The following SPDYE4 variants were observed in gnomAD, a reference collection of about 807,000 sequenced individuals.
The protein encoded by SPDYE4 is speedy/RINGO cell cycle regulator family member E4.
In SPDYE4, 30 loss-of-function variants were observed where a neutral mutation model predicts 37.5. That is an observed-to-expected ratio of 0.80 (90% CI 0.60 to 1.09). The LOEUF is 1.09. Among genes scored for constraint, SPDYE4 ranks in the 50% least tolerant of loss-of-function variants. The probability of loss-of-function intolerance (pLI) is 0.00; values close to 1 mark genes in which losing one functional copy is unlikely to be tolerated. For missense variants in SPDYE4, 300 were observed against 307.9 expected (o/e 0.97, Z 0.19); for synonymous variants, 131 against 120.3 (o/e 1.09, Z -0.58).
intron 3 of SPDYE4, among the ~76,000 whole-genome samples, chr17:8,755,925 G>A (rs915471341): frequency 6.6e-6 from 1 of 152,106 alleles, no homozygotes; most frequent in Admixed American, 6.5e-5. Flanking sequence ...CCAAAGATCT[G>A]AGAGGATAGG....
At chr17:8,747,994 G>A (rs9911633), downstream of SPDYE4, among the ~76,000 whole-genome samples, 8,372 of 152,228 alleles carry the variant, frequency 0.055, 665 homozygotes, top group African/African-American at 0.18. Flanking sequence ...AGCAAGAGTG[G>A]AAACTCCTGA....
At chr17:8,754,295 T>C (rs1388760083) in intron 4 of SPDYE4, among the ~76,000 whole-genome samples, 4 of 152,342 alleles carry the variant, frequency 2.6e-5, no homozygotes, top group South Asian at 4.1e-4. Context: ...AGGAATACTT[T>C]GATATTTTGG....
At chr17:8,750,582 T>C (rs2065637147), downstream of SPDYE4, among the ~76,000 whole-genome samples, 1 of 151,966 alleles carries the variant, frequency 6.6e-6, no homozygotes, top group African/African-American at 2.4e-5. Context: ...TGGTGGCCTG[T>C]GCCTGTAGTC....
Position 8,753,087 on chromosome 17 carries a change from C to T in SPDYE4, c.*44+7G>A, listed in dbSNP as rs2086740165. The T allele has an allele frequency of 6.3e-7, 1 of 1,590,502 alleles. No homozygotes were observed. The highest frequency in any genetic ancestry group is 1.7e-5 in the Admixed American group (1 of 59,568). On this transcript the variant is annotated splice_region_variant and intron_variant, in intron 6 of 6. Coordinates refer to ENST00000689094, the MANE Select transcript of SPDYE4 (RefSeq NM_001394956.1). ...TTCTGCCTTTACCCTGGAGGATACA[C>T]ACGTACCTTCCCTCAGGCCGATGAC...
At chr17:8,748,510 C>G (rs2086705466), downstream of SPDYE4, among the ~76,000 whole-genome samples, 1 of 152,216 alleles carries the variant, frequency 6.6e-6, no homozygotes, top group Non-Finnish European at 1.5e-5. Flanking sequence ...TGATCTTGGA[C>G]TTCTCAGCCT....
rs2086728075 is a variant in SPDYE4, at chr17:8,751,487, T to C, written c.*795A>G. On this transcript the variant is annotated 3_prime_UTR_variant, in exon 7 of 7. Coordinates refer to ENST00000689094, the MANE Select transcript of SPDYE4 (RefSeq NM_001394956.1). The stretch of plus-strand genomic sequence containing the variant: ...AGTAAACAGAAAATAAACATTTCTA[T>C]TTGCAAGAATGTAGGGGAACTACCA... 6.6e-6 allele frequency among the ~76,000 whole-genome samples: 1 copy of C among 152,148 alleles called. No homozygotes were observed. Among genetic ancestry groups the C allele is most frequent in the Non-Finnish European group, 1.5e-5 (1 of 68,022 alleles).
chr17:8,756,205 C>T (rs139400206), intron 3 of SPDYE4, among the ~76,000 whole-genome samples, 173 bp downstream of exon 3: 189 of 152,154 alleles, frequency 1.2e-3, no homozygotes, highest in African/African-American at 4.4e-3. Flanking sequence ...GGCAACAGAA[C>T]GAGACCCTGT....
At chr17:8,749,538 T>C (rs1204555569), downstream of SPDYE4, among the ~76,000 whole-genome samples, 1 of 152,108 alleles carries the variant, frequency 6.6e-6, no homozygotes, top group Admixed American at 6.5e-5. Flanking sequence ...AGTGCTGGGA[T>C]TACAGGCTTG....
rs755861129 is a variant in SPDYE4, at chr17:8,757,382, C to T, written c.220G>A (p.Ala74Thr). ...ELEEELELERAPEPEDTWVVE... is the reference protein window; with the variant it reads ...ELEEELELERTPEPEDTWVVE... ...ACCCAGGTGTCCTCGGGCTCAGGGG[C>T]GCGCTCCAACTCCAGCTCCTCCTCC... Residue 74 changes from alanine to threonine, a missense_variant, in exon 2 of 7, where the codon GCC becomes ACC. Physicochemically the swap from Ala to Thr is moderately conservative, Grantham distance 58. Coordinates refer to ENST00000689094, the MANE Select transcript of SPDYE4 (RefSeq NM_001394956.1). 22 of 1,592,422 alleles carry T rather than the reference C, an allele frequency of 1.4e-5. No homozygotes were observed. Among genetic ancestry groups the T allele is most frequent in the Middle Eastern group, 1.7e-4 (1 of 6,042 alleles).
chr17:8,758,272 A>C lies in SPDYE4; in HGVS notation c.109+2T>G. 1 of 1,535,624 alleles carries C rather than the reference A, an allele frequency of 6.5e-7. No individual in the cohort carries two copies. The stretch of plus-strand genomic sequence containing the variant: ...CATCGCTTCTCCCTCCAGTCACCTC[A>C]CCTGATGGTCCTGGCACTTCATCAT... On this transcript the variant is annotated splice_donor_variant, in intron 1 of 6. Coordinates refer to ENST00000689094, the MANE Select transcript of SPDYE4 (RefSeq NM_001394956.1). LOFTEE classifies it high-confidence loss of function.
intron 4 of SPDYE4, 83 bp from the exon 5 acceptor site, chr17:8,753,572 A>G (rs1597351878): frequency 6.6e-7 from 1 of 1,526,576 alleles, no homozygotes; most frequent in East Asian, 2.3e-5. Flanking sequence ...AGAGGAGGGC[A>G]GGGGACCTTC....
Position 8,756,411 on chromosome 17 carries a change from C to G in SPDYE4, c.366G>C (p.Leu122=). The G allele has an allele frequency of 1.2e-6, 2 of 1,613,996 alleles. No individual in the cohort carries two copies. The highest frequency in any genetic ancestry group is 1.3e-5 in the African/African-American group (1 of 74,992). ...LLGDPVVQKF[L]AWDKDLRVSD... ...ACACCCTCAGGTCTTTGTCCCAGGCCAGGAATTTTTGAACGACAGGATCCC... is the reference window on the plus strand; with the variant it reads ...ACACCCTCAGGTCTTTGTCCCAGGCGAGGAATTTTTGAACGACAGGATCCC... Residue 122 remains leucine (L), a synonymous_variant, in exon 3 of 7, where the codon CTG becomes CTC. Transcript: ENST00000689094.
In SPDYE4 at chr17:8,758,414, A is replaced by C; in HGVS notation, c.-32T>G. ...TCCCAAACACTTTGTTTCTGTCCAC[A>C]AAACCTAGTCCCTGTTCTGTCCAAA... On this transcript the variant is annotated 5_prime_UTR_variant, in exon 1 of 7. Coordinates refer to ENST00000689094, the MANE Select transcript of SPDYE4 (RefSeq NM_001394956.1). 6.5e-7 allele frequency: 1 copy of C among 1,534,134 alleles called. No individual in the cohort carries two copies. Among genetic ancestry groups the C allele is most frequent in the African/African-American group, 1.4e-5 (1 of 72,842 alleles).
chr17:8,755,413 TAA>T lies in SPDYE4; in HGVS notation c.485+105_485+106del, dbSNP rs1046696937. ...AATCTTATCGTTTTTATATACAGAG[TAA>T]AGAGGAGAAGTAGGGTAAAAAAATA... On this transcript the variant is annotated intron_variant, in intron 4 of 6. Coordinates refer to ENST00000689094, the MANE Select transcript of SPDYE4 (RefSeq NM_001394956.1). The T allele has an allele frequency of 4.4e-5, 58 of 1,322,844 alleles. 1 individual carries two copies. The Middle Eastern group carries it at 8.2e-4, about 19-fold the overall frequency. The allele number at this position is 1,322,844 out of a possible 1,614,324, so 81.9% of individuals were successfully genotyped here.
chr17:8,747,836 G>A (rs772822172), downstream of SPDYE4, among the ~76,000 whole-genome samples: 45 of 152,166 alleles, frequency 3.0e-4, no homozygotes, highest in Non-Finnish European at 5.0e-4. Context: ...GTCTTAGTCC[G>A]TTTTCATGCT....
Position 8,752,186 on chromosome 17 carries a change from C to A in SPDYE4, c.*96G>T, listed in dbSNP as rs776997897. Among the ~76,000 whole-genome samples the A allele has an allele frequency of 6.6e-6, 1 of 152,104 alleles. No homozygotes were observed. The highest frequency in any genetic ancestry group is 1.5e-5 in the Non-Finnish European group (1 of 68,016). Reference sequence around the variant, plus strand: ...CTCCCTTCCTGGTGTCTGGCATTAGCGTCGCGATAAACTTCCTGCTGAAAA... The same window carrying A: ...CTCCCTTCCTGGTGTCTGGCATTAGAGTCGCGATAAACTTCCTGCTGAAAA... On this transcript the variant is annotated 3_prime_UTR_variant, in exon 7 of 7. Transcript: ENST00000689094.
chr17:8,749,873 A>G (rs1443982052), downstream of SPDYE4, among the ~76,000 whole-genome samples: 2 of 152,206 alleles, frequency 1.3e-5, no homozygotes, highest in East Asian at 3.8e-4. Context: ...GGGTCCTAGA[A>G]TGAAGGTAAT....
chr17:8,758,187 C>T, intron 1 of SPDYE4, 87 bp downstream of exon 1: 1 of 1,153,152 alleles, frequency 8.7e-7, no homozygotes, highest in East Asian at 2.6e-5. Context: ...ACACACCCTA[C>T]TCAGGTGCTT....
intron 6 of SPDYE4, 56 bp downstream of exon 6, chr17:8,753,038 T>C: frequency 7.1e-7 from 1 of 1,412,032 alleles, no homozygotes; most frequent in African/African-American, 1.4e-5. Context: ...TTGAGTTCCT[T>C]GGATTTTCTT....
Sources: gnomAD v4.1 joint callset for allele counts (sites outside exome capture counted in the v4.1 genomes callset) on GRCh38, gnomAD v4.1.1 for gene constraint, MANE v1.5 for transcripts, NCBI Gene and HGNC (gene_info 2026-07-23, HGNC 2026-07-21) for gene names.